CASZ1: variants seen among roughly 807,000 people sequenced by gnomAD.
The protein encoded by CASZ1 is zinc finger protein castor homolog 1.
Under a neutral mutation model 135.2 loss-of-function variants are expected in CASZ1, and 28 were observed. The ratio of observed to expected loss-of-function variants is 0.21; its 90% confidence interval spans 0.15 to 0.28. The LOEUF is 0.28. CASZ1 is among the 10% of genes least tolerant of loss of function. The probability of loss-of-function intolerance (pLI) is 1.00; values close to 1 mark genes in which losing one functional copy is unlikely to be tolerated. For missense variants in CASZ1, 2,161 were observed against 2,453.3 expected (o/e 0.88, Z 2.52); for synonymous variants, 1,068 against 1,073.4 (o/e 0.99, Z 0.10).
intron 11 of CASZ1, 46 bp downstream of exon 11, chr1:10,653,331 C>T (rs1391827447): frequency 1.9e-6 from 3 of 1,602,264 alleles, no homozygotes; most frequent in Non-Finnish European, 2.6e-6. Context: ...GTGGCCACCC[C>T]AGTCCAGAAG....
chr1:10,795,549 C>T (rs1367009930), intron 1 of CASZ1, among the ~76,000 whole-genome samples: 1 of 152,202 alleles, frequency 6.6e-6, no homozygotes. Context: ...GTCCCACGTC[C>T]CCGGGCGCAA....
At chr1:10,704,898 G>A (rs559071284) in intron 3 of CASZ1, among the ~76,000 whole-genome samples, 4 of 152,390 alleles carry the variant, frequency 2.6e-5, no homozygotes, top group Admixed American at 1.3e-4. Context: ...GGGCAGCCCC[G>A]TATGCTTGGA....
At chr1:10,718,305 C>T (rs1189154806) in intron 2 of CASZ1, among the ~76,000 whole-genome samples, 3 of 152,242 alleles carry the variant, frequency 2.0e-5, no homozygotes, top group African/African-American at 4.8e-5. Context: ...GGCCCTGACT[C>T]GGCAGCCCAG....
In CASZ1 at chr1:10,759,905, C is replaced by T. The variant is rs1557556264; in HGVS notation, c.-77+796G>A. On this transcript the variant is annotated intron_variant, in intron 2 of 20. Transcript: ENST00000377022. This position sits in a 1 kb window ranked among gnomAD's most constrained non-coding sequence, Gnocchi z 4.2. ...CGTGAACTTCGCAAACACCCAATCCCTCTGGACTGGTTTCCTTGGGATCTC... is the reference window on the plus strand; with the variant it reads ...CGTGAACTTCGCAAACACCCAATCCTTCTGGACTGGTTTCCTTGGGATCTC... Among the ~76,000 whole-genome samples the T allele has an allele frequency of 6.6e-6, 1 of 152,196 alleles. No homozygotes were observed. Among genetic ancestry groups the T allele is most frequent in the East Asian group, 1.9e-4 (1 of 5,200 alleles).
Position 10,653,666 on chromosome 1 carries a change from G to C in CASZ1, c.2391C>G (p.Thr797=). 1 of 1,557,898 alleles carries C rather than the reference G, an allele frequency of 6.4e-7. No individual in the cohort carries two copies. Among genetic ancestry groups the C allele is most frequent in the Non-Finnish European group, 8.7e-7 (1 of 1,152,212 alleles). The change falls in exon 11 of 21, where the codon ACC becomes ACG. Residue 797 remains threonine (T), a synonymous_variant. Coordinates refer to ENST00000377022, the MANE Select transcript of CASZ1 (RefSeq NM_001079843.3). ...ALALSNSGLP[T]PTPYFPILAG... ...CCAGTATGGGGAAGTAGGGCGTGGG[G>C]GTGGGCAGGCCCGAGTTGGAGAGGG... is the stretch of plus-strand genomic sequence containing the variant.
At position 10,694,088 on chromosome 1, in the gene CASZ1, T is replaced by A. The variant is rs1416744566; in HGVS notation, c.-23-176A>T. Among the ~76,000 whole-genome samples the A allele has an allele frequency of 2.6e-5, 4 of 151,206 alleles. No homozygotes were observed. Among genetic ancestry groups the A allele is most frequent in the Non-Finnish European group, 5.9e-5 (4 of 67,782 alleles). ...CCTCCGCGCCGCCCGCTTCTCACGC[T>A]CGGCCCCGCACGCGCCCGCGGGTCC... On this transcript the variant is annotated intron_variant, in intron 3 of 20. Transcript: ENST00000377022. This position sits in a 1 kb window ranked among gnomAD's most constrained non-coding sequence, Gnocchi z 6.6.
intron 2 of CASZ1, among the ~76,000 whole-genome samples, chr1:10,715,618 TC>T (rs1639366678): frequency 4.0e-5 from 2 of 49,422 alleles, no homozygotes; most frequent in African/African-American, 2.1e-4. Context: ...CCCAATCCGC[TC>T]CCCACAGCAC....
intron 4 of CASZ1, among the ~76,000 whole-genome samples, chr1:10,674,636 C>CGGTG (rs1292222016): frequency 6.6e-6 from 1 of 152,220 alleles, no homozygotes; most frequent in Non-Finnish European, 1.5e-5. Context: ...GCAGAGCACA[C>CGGTG]GGTGCCTCCC....
chr1:10,642,219 C>G (rs1178320754), intron 20 of CASZ1: 3 of 151,166 alleles, frequency 2.0e-5, no homozygotes, highest in Non-Finnish European at 4.4e-5. Flanking sequence ...GGAGCGTGGC[C>G]GGCGAGAAGG....
At position 10,717,115 on chromosome 1, in the gene CASZ1, C is replaced by G. The variant is rs1408927629; in HGVS notation, c.-76-11571G>C. Among the ~76,000 whole-genome samples the G allele has an allele frequency of 1.3e-5, 2 of 152,204 alleles. No homozygotes were observed. The highest frequency in any genetic ancestry group is 2.9e-5 in the Non-Finnish European group (2 of 68,036). On this transcript the variant is annotated intron_variant, in intron 2 of 20. Coordinates refer to ENST00000377022, the MANE Select transcript of CASZ1 (RefSeq NM_001079843.3). This position sits in a 1 kb window ranked among gnomAD's most constrained non-coding sequence, Gnocchi z 4.6. ...GAGGGACAGACGGCCAGCGAGGACA[C>G]TGGGGAGGGCGTGTCTCCTTAATAA...
At chr1:10,743,542 G>A (rs769616853) in intron 2 of CASZ1, among the ~76,000 whole-genome samples, 6 of 151,746 alleles carry the variant, frequency 4.0e-5, no homozygotes, top group Non-Finnish European at 7.4e-5. Flanking sequence ...AACAAACAGC[G>A]GCAACAGGAA....
intron 1 of CASZ1, among the ~76,000 whole-genome samples, chr1:10,784,853 ACCGC>A (rs1640826589): frequency 6.6e-6 from 1 of 152,126 alleles, no homozygotes; most frequent in Non-Finnish European, 1.5e-5. Flanking sequence ...AGCATGAACC[ACCGC>A]ACCTGGCCCC....
intron 1 of CASZ1, among the ~76,000 whole-genome samples, chr1:10,795,512 A>C (rs913880353): frequency 6.6e-6 from 1 of 151,182 alleles, no homozygotes; most frequent in Non-Finnish European, 1.5e-5. Context: ...GCACCACTCT[A>C]CCAGCCCGCT....
At chr1:10,645,422 C>T (rs529092839) in intron 17 of CASZ1, among the ~76,000 whole-genome samples, 3 of 152,166 alleles carry the variant, frequency 2.0e-5, no homozygotes, top group East Asian at 1.9e-4. Flanking sequence ...CCCAGCTACT[C>T]GGGAGGTTGA....
chr1:10,681,167 C>T (rs930798567), intron 4 of CASZ1, among the ~76,000 whole-genome samples: 3 of 151,834 alleles, frequency 2.0e-5, no homozygotes, highest in African/African-American at 7.3e-5. Flanking sequence ...TCCCAAAGTG[C>T]TGGGATTATA....
intron 1 of CASZ1, among the ~76,000 whole-genome samples, chr1:10,783,371 T>A (rs1425591788): frequency 2.0e-5 from 3 of 151,554 alleles, no homozygotes; most frequent in Non-Finnish European, 4.4e-5. Context: ...AAGAGTTCAT[T>A]CCAGGGCAGT....
At chr1:10,662,311 C>T (rs1322135991) in intron 5 of CASZ1, among the ~76,000 whole-genome samples, 1 of 109,402 alleles carries the variant, frequency 9.1e-6, no homozygotes, top group Non-Finnish European at 1.8e-5. Context: ...TACATTGACA[C>T]CCACCCACCC....
intron 5 of CASZ1, 127 bp downstream of exon 5, chr1:10,664,956 G>A (rs1643178810): frequency 9.0e-7 from 1 of 1,114,920 alleles, no homozygotes; most frequent in Non-Finnish European, 1.2e-6. Flanking sequence ...GCCCTCCCTG[G>A]GTGGGATGAG....
intron 1 of CASZ1, among the ~76,000 whole-genome samples, chr1:10,795,643 G>C (rs913829433): frequency 2.0e-5 from 3 of 152,234 alleles, no homozygotes; most frequent in Non-Finnish European, 4.4e-5. Flanking sequence ...CGACAGCCGG[G>C]CAGCTCTGGG....
Sources: gnomAD v4.1 joint callset for allele counts (sites outside exome capture counted in the v4.1 genomes callset) on GRCh38, gnomAD v4.1.1 for gene constraint, Gnocchi (gnomAD v3.1) non-coding constraint, MANE v1.5 for transcripts, NCBI Gene and HGNC (gene_info 2026-07-23, HGNC 2026-07-21) for gene names.